LAX1: variants seen among roughly 807,000 people sequenced by gnomAD.
LAX1 encodes the protein lymphocyte transmembrane adapter 1.
Under a neutral mutation model 20.7 loss-of-function variants are expected in LAX1, and 17 were observed. The observed-to-expected ratio is 0.82, with a 90% confidence interval of 0.56 to 1.23. The LOEUF is 1.23. Ranked by LOEUF, LAX1 falls within the 50% of genes most tolerant of loss-of-function variation. LAX1 has a pLI of 0.00. For synonymous variants in LAX1, 165 were observed against 181.0 expected (o/e 0.91, Z 0.71); for missense variants, 470 against 487.0 (o/e 0.97, Z 0.33).
chr1:203,772,833 G>T (rs560817182), intron 4 of LAX1, among the ~76,000 whole-genome samples: 2 of 150,284 alleles, frequency 1.3e-5, no homozygotes, highest in African/African-American at 4.9e-5. Context: ...ACACCACCAC[G>T]CCTGGCTAAC....
chr1:203,765,403 T>C lies in LAX1; in HGVS notation c.-163T>C. On this transcript the variant is annotated 5_prime_UTR_variant, in exon 1 of 5. Transcript: ENST00000442561. The stretch of plus-strand genomic sequence containing the variant: ...GTCCAGGTAGAACCAAACCTGTTGC[T>C]TTTGTATGTTGGGTCAACTTGGCCT... The C allele has an allele frequency of 6.4e-7, 1 of 1,551,940 alleles. No homozygotes were observed.
At chr1:203,766,367 C>G (rs1193502715) in intron 1 of LAX1, among the ~76,000 whole-genome samples, 2 of 152,108 alleles carry the variant, frequency 1.3e-5, no homozygotes, top group Admixed American at 1.3e-4. Flanking sequence ...CTCCTGTAGT[C>G]CCAGCTACTC....
At chr1:203,766,445 C>A (rs1307390935) in intron 1 of LAX1, among the ~76,000 whole-genome samples, 1 of 152,090 alleles carries the variant, frequency 6.6e-6, no homozygotes, top group Admixed American at 6.6e-5. Context: ...TCATTGTACT[C>A]CAGCCTGGGC....
intron 3 of LAX1, among the ~76,000 whole-genome samples, chr1:203,771,852 T>A (rs1046469887): frequency 6.6e-6 from 1 of 152,080 alleles, no homozygotes; most frequent in East Asian, 1.9e-4. Flanking sequence ...TCCCAACCCC[T>A]GTGATAGCAT....
chr1:203,770,724 C>T (rs149198441), intron 1 of LAX1, 104 bp from the exon 2 acceptor site: 6 of 888,292 alleles, frequency 6.8e-6, no homozygotes, highest in Non-Finnish European at 1.1e-5. Context: ...TTCCTTCACT[C>T]GGCTCCCATT....
At position 203,772,057 on chromosome 1, in the gene LAX1, T is replaced by C. The variant is rs959939562; in HGVS notation, c.311-11T>C. The C allele has an allele frequency of 2.0e-5, 33 of 1,610,292 alleles. No individual in the cohort carries two copies. Among genetic ancestry groups the C allele is most frequent in the Non-Finnish European group, 2.7e-5 (32 of 1,176,554 alleles). ...CTGGCTATCTTCAGGATTTGTTCTC[T>C]GTCCTTTCAGGGAGACATGAGTCGA... On this transcript the variant is annotated splice_polypyrimidine_tract_variant and intron_variant, in intron 3 of 4. Transcript: ENST00000442561.
chr1:203,772,186 G>A (rs369364768), intron 4 of LAX1, 39 bp downstream of exon 4: 3 of 1,472,974 alleles, frequency 2.0e-6, no homozygotes, highest in Non-Finnish European at 2.9e-6. Context: ...CATGTCTCTG[G>A]CAGAAGAACT....
chr1:203,766,043 A>G (rs1333464242), intron 1 of LAX1, among the ~76,000 whole-genome samples: 1 of 152,226 alleles, frequency 6.6e-6, no homozygotes, highest in Non-Finnish European at 1.5e-5. Flanking sequence ...CATGAATAAA[A>G]AATGTAGTGA....
At position 203,765,394 on chromosome 1, in the gene LAX1, AC is replaced by A. The variant is rs1293244819; in HGVS notation, c.-170del. The A allele has an allele frequency of 6.4e-7, 1 of 1,551,636 alleles. No individual in the cohort carries two copies. Among genetic ancestry groups the A allele is most frequent in the East Asian group, 2.4e-5 (1 of 40,910 alleles). Reference sequence around the variant, plus strand: ...ATTAGCCACGTCCAGGTAGAACCAAACCTGTTGCTTTTGTATGTTGGGTCAA... The same window carrying A: ...ATTAGCCACGTCCAGGTAGAACCAAACTGTTGCTTTTGTATGTTGGGTCAA... On this transcript the variant is annotated 5_prime_UTR_variant, in exon 1 of 5. Coordinates refer to ENST00000442561, the MANE Select transcript of LAX1 (RefSeq NM_017773.4).
chr1:203,770,762 G>A (rs1667407910), intron 1 of LAX1, 66 bp from the exon 2 acceptor site: 1 of 1,311,174 alleles, frequency 7.6e-7, no homozygotes, highest in Non-Finnish European at 1.1e-6. Flanking sequence ...AACTCCAAAA[G>A]GAAATGTCTC....
chr1:203,765,250 C>G lies in LAX1; in HGVS notation c.-316C>G. On this transcript the variant is annotated 5_prime_UTR_variant, in exon 1 of 5. Coordinates refer to ENST00000442561, the MANE Select transcript of LAX1 (RefSeq NM_017773.4). Reference sequence around the variant, plus strand: ...CCTCTCTTGAGCCTCTTGGCAGTTTCCCCCTCTGTGCCCCTCACGTTTCCA... The same window carrying G: ...CCTCTCTTGAGCCTCTTGGCAGTTTGCCCCTCTGTGCCCCTCACGTTTCCA... The G allele has an allele frequency of 8.7e-7, 1 of 1,152,458 alleles. No individual in the cohort carries two copies. The highest frequency in any genetic ancestry group is 1.3e-6 in the Non-Finnish European group (1 of 787,292). 71.4% of individuals were successfully genotyped at this position (1,152,458 alleles called of 1,614,324 possible).
At chr1:203,765,912 T>C (rs1667296575) in intron 1 of LAX1, among the ~76,000 whole-genome samples, 1 of 152,156 alleles carries the variant, frequency 6.6e-6, no homozygotes, top group Non-Finnish European at 1.5e-5. Context: ...TTGCTTAGAC[T>C]GGTTGGATTT....
At position 203,774,071 on chromosome 1, in the gene LAX1, T is replaced by G; in HGVS notation, c.587T>G (p.Val196Gly). Residue 196 changes from valine to glycine, a missense_variant, in exon 5 of 5, where the codon GTC becomes GGC. Coordinates refer to ENST00000442561, the MANE Select transcript of LAX1 (RefSeq NM_017773.4). The stretch of plus-strand genomic sequence containing the variant: ...GAGGATTCGCATGATTATGTCAATG[T>G]CCCCACAGCAGAAGAGATTGCTGAG... ...SSEDSHDYVNVPTAEEIAETL... is the reference protein window; with the variant it reads ...SSEDSHDYVNGPTAEEIAETL... 1 of 1,614,152 alleles carries G rather than the reference T, an allele frequency of 6.2e-7. No homozygotes were observed. Among genetic ancestry groups the G allele is most frequent in the Non-Finnish European group, 8.5e-7 (1 of 1,180,016 alleles).
Position 203,774,671 on chromosome 1 carries a change from C to T in LAX1, c.1187C>T (p.Pro396Leu), listed in dbSNP as rs1667482369. 10 of 1,613,374 alleles carry T rather than the reference C, an allele frequency of 6.2e-6. No individual in the cohort carries two copies. The highest frequency in any genetic ancestry group is 8.5e-6 in the Non-Finnish European group (10 of 1,179,688). Residue 396 changes from proline (P) to leucine (L), a missense_variant, in exon 5 of 5, where the codon CCT (proline) becomes CTT (leucine). Pro to Leu is a moderately conservative substitution (Grantham distance 98, BLOSUM62 -3). Transcript: ENST00000442561. ...CAGGGGCCTGGCACTCAGCTCCTTC[C>T]TGATGAATGAAGACCCAGGTACCCA... ...SEQGPGTQLL[P>L]DE
Position 203,774,738 on chromosome 1 carries a change from T to A in LAX1, c.*57T>A. Reference sequence around the variant, plus strand: ...GAGTAGTCTATCCCATAGGATTGACTACTGCAGAGTCTAGTGCAGACCCGT... The same window carrying A: ...GAGTAGTCTATCCCATAGGATTGACAACTGCAGAGTCTAGTGCAGACCCGT... On this transcript the variant is annotated 3_prime_UTR_variant, in exon 5 of 5. Transcript: ENST00000442561. 7.0e-7 allele frequency: 1 copy of A among 1,429,788 alleles called. No homozygotes were observed. Among genetic ancestry groups the A allele is most frequent in the Non-Finnish European group, 9.7e-7 (1 of 1,033,726 alleles). 88.6% of individuals were successfully genotyped at this position (1,429,788 alleles called of 1,614,324 possible).
chr1:203,767,303 CTTTTTTTTT>C (rs755164305), intron 1 of LAX1, among the ~76,000 whole-genome samples: 9 of 90,448 alleles, frequency 1.0e-4, no homozygotes, highest in Admixed American at 6.3e-4. Flanking sequence ...CTCTCCACTT[CTTTTTTTTT>C]TTTTTTTTTT....
chr1:203,771,334 G>C (rs3820195), intron 2 of LAX1, 33 bp from the exon 3 acceptor site: 1 of 1,332,440 alleles, frequency 7.5e-7, no homozygotes, highest in Non-Finnish European at 1.1e-6. Context: ...GCTGACCCCC[G>C]CCATGACTCC....
intron 3 of LAX1, 114 bp downstream of exon 3, chr1:203,771,591 C>T (rs1667423275): frequency 1.3e-6 from 1 of 742,122 alleles, no homozygotes; most frequent in African/African-American, 1.7e-5. Flanking sequence ...GTTTGCCCTT[C>T]AGAGAGTATC....
At position 203,776,332 on chromosome 1, in the gene LAX1, C is replaced by CA. The variant is rs2102273130; in HGVS notation, c.*1652dup. ...GCGGACTGCATTCCAGCCTGGGCAA[C>CA]AGAGAAAGACTCTGTCTCAAAAAAA... On this transcript the variant is annotated 3_prime_UTR_variant, in exon 5 of 5. Transcript: ENST00000442561. The CA allele has an allele frequency of 9.3e-6, 1 of 107,182 alleles. No individual in the cohort carries two copies. The highest frequency in any genetic ancestry group is 3.2e-4 in the South Asian group (1 of 3,084). The allele number at this position is 107,182 out of a possible 1,614,324, so 6.6% of individuals were successfully genotyped here.
Sources: allele counts gnomAD v4.1 joint callset (sites outside exome capture counted in the v4.1 genomes callset), GRCh38; gene constraint gnomAD v4.1.1; transcripts MANE v1.5; gene names NCBI Gene and HGNC (gene_info 2026-07-23, HGNC 2026-07-21).